The following KIF1A variants were observed in gnomAD, a reference collection of about 807,000 sequenced individuals.
KIF1A encodes kinesin-like protein KIF1A.
A neutral mutation model predicts 227.3 loss-of-function variants in KIF1A; 46 were observed. The ratio of observed to expected loss-of-function variants is 0.20; its 90% CI spans 0.16 to 0.26. KIF1A has a LOEUF of 0.26. Ranked by LOEUF, KIF1A falls within the 10% of genes least tolerant of loss-of-function variation. The pLI, the probability that KIF1A is intolerant of heterozygous loss-of-function variation, is 1.00. For synonymous variants in KIF1A, 1,022 were observed against 1,012.8 expected (o/e 1.01, Z -0.17); for missense variants, 1,683 against 2,485.9 (o/e 0.68, Z 6.87).
chr2:240,764,591 C>T (rs1377442588), intron 20 of KIF1A, among the ~76,000 whole-genome samples: 3 of 152,160 alleles, frequency 2.0e-5, no homozygotes, highest in Non-Finnish European at 4.4e-5. Context: ...TGCCCCTCCT[C>T]ACCCCCTCTG....
chr2:240,786,999 C>T (rs1223498845), intron 5 of KIF1A, among the ~76,000 whole-genome samples: 1 of 152,210 alleles, frequency 6.6e-6, no homozygotes, highest in East Asian at 1.9e-4. Flanking sequence ...AGCTCTGAGG[C>T]ACCTGCCCAT....
chr2:240,767,437 C>T, intron 17 of KIF1A, 92 bp from the exon 18 acceptor site: 2 of 1,067,010 alleles, frequency 1.9e-6, no homozygotes, highest in South Asian at 2.7e-5. Context: ...AGGCACCAGA[C>T]TACCACCAGG....
At chr2:240,735,690 G>T (rs78871545) in intron 38 of KIF1A, among the ~76,000 whole-genome samples, 1 of 152,092 alleles carries the variant, frequency 6.6e-6, no homozygotes, top group Non-Finnish European at 1.5e-5. Flanking sequence ...GGCAGCGCCC[G>T]TGCTGGGGGC....
chr2:240,786,813 C>A lies in KIF1A; in HGVS notation c.430-300G>T, dbSNP rs114907160. On this transcript the variant is annotated intron_variant, in intron 5 of 48. Transcript: ENST00000498729. ...GAGGGGGTGGGGGCTGCCATCAGGA[C>A]CCCTGAGTGAGAGGGTGGGGGCTGC... Among the ~76,000 whole-genome samples, 4,357 of 129,400 alleles carry A rather than the reference C, an allele frequency of 0.034. 414 individuals are homozygous for A. The highest frequency in any genetic ancestry group is 0.04 in the Non-Finnish European group (2,418 of 60,150). The allele number at this position is 129,400 out of a possible 152,430, so 84.9% of individuals were successfully genotyped here. A position where few individuals can be genotyped will look rare whatever the true frequency, so the allele number is the denominator to read the frequency against.
In KIF1A at chr2:240,815,682, TG is replaced by T. The variant is rs2058263684; in HGVS notation, c.-61+4439del. Reference sequence around the variant, plus strand: ...GTGTGAGGCACCGTGCTGGCCCCCGTGGGGGTGGGAGAAGTGGGGGGTAATG... The same window carrying T: ...GTGTGAGGCACCGTGCTGGCCCCCGTGGGGTGGGAGAAGTGGGGGGTAATG... On this transcript the variant is annotated intron_variant, in intron 1 of 48. Coordinates refer to ENST00000498729, the MANE Select transcript of KIF1A (RefSeq NM_001244008.2). 2.6e-5 allele frequency among the ~76,000 whole-genome samples: 4 copies of T among 151,360 alleles called. No individual in the cohort carries two copies. In the South Asian group the frequency reaches 8.4e-4, roughly 32 times the overall value.
At chr2:240,761,451 G>A in intron 23 of KIF1A, 74 bp from the exon 24 acceptor site, 1 of 1,419,028 alleles carries the variant, frequency 7.0e-7, no homozygotes, top group East Asian at 2.5e-5. Context: ...CCTCTGGAAG[G>A]TCAGGCTGGT....
chr2:240,737,068 A>T lies in KIF1A; in HGVS notation c.4002T>A (p.Asp1334Glu). 1.2e-6 allele frequency: 2 copies of T among 1,611,878 alleles called. No homozygotes were observed. Among genetic ancestry groups the T allele is most frequent in the Non-Finnish European group, 8.5e-7 (1 of 1,178,098 alleles). Residue 1334 changes from aspartate to glutamate, a missense_variant, in exon 38 of 49, where the codon GAT (aspartate) becomes GAA (glutamate). Around this residue, in one of 12 missense-constraint regions of KIF1A, gnomAD observed 759 missense variants for 1,020.2 expected, o/e 0.74. Coordinates refer to ENST00000498729, the MANE Select transcript of KIF1A (RefSeq NM_001244008.2). ...LSSGYIHPAQ[D>E]DRTFYQFEAA... ...CCAGGGAGTCTCCGACTCACCGGTC[A>T]TCTTGGGCTGGGTGGATGTATCCGG...
chr2:240,731,671 G>A (rs995544486), intron 38 of KIF1A, among the ~76,000 whole-genome samples: 2 of 152,208 alleles, frequency 1.3e-5, no homozygotes, highest in African/African-American at 2.4e-5. Context: ...CTGCTCATGG[G>A]CTCCTTTTGT....
Position 240,757,500 on chromosome 2 carries a change from G to T in KIF1A, c.2677C>A (p.Pro893Thr), listed in dbSNP as rs1028154839. ...ALTPSPTFSSPDSDATEPAEE... is the reference protein window; with the variant it reads ...ALTPSPTFSSTDSDATEPAEE... ...GCAGGCTCGGTGGCGTCGGAGTCGG[G>T]GCTCGAGAAGGTGGGGGAGGGGGTG... Residue 893 changes from proline to threonine, a missense_variant, in exon 27 of 49, where the codon CCC (proline) becomes ACC (threonine). Pro to Thr is a conservative substitution (Grantham distance 38). Transcript: ENST00000498729. This position sits in a 1 kb window ranked among gnomAD's most constrained non-coding sequence, Gnocchi z 6.2. 2 of 1,550,478 alleles carry T rather than the reference G, an allele frequency of 1.3e-6. No individual in the cohort carries two copies. The highest frequency in any genetic ancestry group is 1.7e-6 in the Non-Finnish European group (2 of 1,146,980).
intron 45 of KIF1A, 133 bp downstream of exon 45, chr2:240,720,781 T>G (rs563809636): frequency 1.8e-6 from 2 of 1,136,162 alleles, no homozygotes; most frequent in Non-Finnish European, 2.4e-6. Flanking sequence ...GGCCCTTCCC[T>G]CAGCCTGTGG....
At chr2:240,783,917 G>T in intron 7 of KIF1A, 101 bp from the exon 8 acceptor site, 3 of 906,468 alleles carry the variant, frequency 3.3e-6, no homozygotes, top group Non-Finnish European at 5.3e-6. Context: ...AGGAGCCCTG[G>T]CCAAGCGTCC....
intron 38 of KIF1A, among the ~76,000 whole-genome samples, chr2:240,728,634 C>T (rs1411421875): frequency 6.6e-6 from 1 of 152,248 alleles, no homozygotes; most frequent in East Asian, 1.9e-4. Context: ...CTGGGGTCTG[C>T]AGTGAGAGCC....
At chr2:240,811,259 G>C (rs1304448000) in intron 1 of KIF1A, among the ~76,000 whole-genome samples, 1 of 152,078 alleles carries the variant, frequency 6.6e-6, no homozygotes, top group African/African-American at 2.4e-5. Context: ...CAGCTACTTG[G>C]GAGGCTGAGG....
chr2:240,733,690 G>C (rs1575540945), intron 38 of KIF1A, among the ~76,000 whole-genome samples: 1 of 152,324 alleles, frequency 6.6e-6, no homozygotes, highest in African/African-American at 2.4e-5. Context: ...CTCAGAAAGT[G>C]CTGGCCAAGC....
intron 20 of KIF1A, among the ~76,000 whole-genome samples, chr2:240,765,224 C>T (rs2051021020): frequency 6.6e-6 from 1 of 152,244 alleles, no homozygotes; most frequent in Admixed American, 6.5e-5. Flanking sequence ...TGTGCCTGCA[C>T]GTGTTTGAAC....
At chr2:240,818,037 G>A (rs902544226) in intron 1 of KIF1A, among the ~76,000 whole-genome samples, 46 of 152,328 alleles carry the variant, frequency 3.0e-4, no homozygotes, top group African/African-American at 1.1e-3. Flanking sequence ...GGACATTCCA[G>A]TGGGGAAGGG....
chr2:240,779,705 T>C (rs1378511325), intron 10 of KIF1A, among the ~76,000 whole-genome samples: 1 of 146,226 alleles, frequency 6.8e-6, no homozygotes, highest in Non-Finnish European at 1.5e-5. Context: ...CTCACTCAGT[T>C]CCTCACAGTT....
chr2:240,722,802 A>ATTTCACAGCTGAGG, intron 42 of KIF1A, 146 bp from the exon 43 acceptor site: 1 of 653,004 alleles, frequency 1.5e-6, no homozygotes, highest in Non-Finnish European at 2.5e-6. Context: ...GACAGCCCTC[A>ATTTCACAGCTGAGG]GCTGTGAAAT....
In KIF1A at chr2:240,792,600, A is replaced by G. The variant is rs2055856950; in HGVS notation, c.107-3288T>C. Among the ~76,000 whole-genome samples the G allele has an allele frequency of 1.3e-5, 2 of 152,222 alleles. No individual in the cohort carries two copies. Among genetic ancestry groups the G allele is most frequent in the South Asian group, 4.1e-4 (2 of 4,822 alleles). On this transcript the variant is annotated intron_variant, in intron 2 of 48. Coordinates refer to ENST00000498729, the MANE Select transcript of KIF1A (RefSeq NM_001244008.2). The surrounding 1 kb of genome is among the most constrained non-coding windows in gnomAD (Gnocchi z 4.5). ...GAATGGAATACAGCCGTTTTCTCAG[A>G]GTCTCAGCTTTCCTGCGGCCTTGAG...
Sources: gnomAD v4.1 joint callset for allele counts (sites outside exome capture counted in the v4.1 genomes callset) on GRCh38, gnomAD v4.1.1 for gene constraint, gnomAD v4.1.1 regional missense constraint, Gnocchi (gnomAD v3.1) non-coding constraint, MANE v1.5 for transcripts, NCBI Gene and HGNC (gene_info 2026-07-23, HGNC 2026-07-21) for gene names.